The following FAM3A variants were observed in gnomAD, a reference collection of about 807,000 sequenced individuals.
The protein encoded by FAM3A is protein FAM3A.
In FAM3A, 5 loss-of-function variants were observed where a neutral mutation model predicts 18.1. The ratio of observed to expected loss-of-function variants is 0.28; its 90% CI spans 0.14 to 0.58. The LOEUF is 0.58. Among genes scored for constraint, FAM3A ranks in the 20% least tolerant of loss-of-function variants. The pLI is 0.91. For missense variants in FAM3A, 154 were observed against 216.6 expected, an observed-to-expected ratio of 0.71 and a Z score of 1.81; for synonymous variants, 108 against 90.2, an observed-to-expected ratio of 1.20 and a Z score of -1.12.
At chrX:154,513,320 G>A (rs1341851538) in intron 1 of FAM3A, among the ~76,000 whole-genome samples, 2 of 111,498 alleles carry the variant, frequency 1.8e-5, no homozygotes, top group Admixed American at 9.5e-5. Flanking sequence ...TGAGGGAGAA[G>A]GGTCCCTACT....
rs1557220844 is a variant in FAM3A, at chrX:154,508,596, C to T, written c.153G>A (p.Ala51=). The part of the protein sequence containing the change: ...FTSPESSVTA[A]PRARKYKCGL... The stretch of plus-strand genomic sequence containing the variant: ...CACACTTGTACTTCCTGGCCCGTGG[C>T]GCTGGGCAGGGATAGCAGGTGTTAT... The change falls in exon 4 of 9, where the codon GCG becomes GCA. Residue 51 remains alanine (A), a splice_region_variant and synonymous_variant. Transcript: ENST00000447601. The T allele has an allele frequency of 6.7e-6, 8 of 1,186,471 alleles. No homozygotes were observed. Among genetic ancestry groups the T allele is most frequent in the East Asian group, 3.1e-5 (1 of 32,712 alleles).
intron 1 of FAM3A, among the ~76,000 whole-genome samples, chrX:154,513,528 G>T (rs1009444369): frequency 9.0e-6 from 1 of 111,301 alleles, no homozygotes; most frequent in Non-Finnish European, 1.9e-5. Flanking sequence ...TACTCAGGAG[G>T]CTGAAGCAGG....
intron 1 of FAM3A, among the ~76,000 whole-genome samples, chrX:154,513,660 C>CCAAAA (rs1167466908): frequency 6.4e-5 from 7 of 109,349 alleles, no homozygotes; most frequent in Non-Finnish European, 1.3e-4. Context: ...CAAAACAAAA[C>CCAAAA]CAAAACAACA....
chrX:154,506,235 A>T lies in FAM3A; in HGVS notation c.*576T>A, dbSNP rs1266376403. 6 of 114,610 alleles carry T rather than the reference A, an allele frequency of 5.2e-5. No individual in the cohort carries two copies. Among genetic ancestry groups the T allele is most frequent in the African/African-American group, 2.0e-4 (6 of 30,443 alleles). The allele number at this position is 114,610 out of a possible 1,213,427, so 9.4% of individuals were successfully genotyped here. ...GGTGGGCCCCCTGACAAACCGCGGG[A>T]CTGTGATCGGGCTCCAGCTACTTCA... is the stretch of plus-strand genomic sequence containing the variant. On this transcript the variant is annotated 3_prime_UTR_variant, in exon 9 of 9. Coordinates refer to ENST00000447601, the MANE Select transcript of FAM3A (RefSeq NM_021806.4).
chrX:154,515,886 G>A lies in FAM3A; in HGVS notation c.-114C>T, dbSNP rs1462301143. 1.2e-6 allele frequency: 1 copy of A among 812,222 alleles called. No individual in the cohort carries two copies. The highest frequency in any genetic ancestry group is 1.8e-6 in the Non-Finnish European group (1 of 547,690). 66.9% of individuals were successfully genotyped at this position (812,222 alleles called of 1,213,427 possible). ...AAGCCTGTGCGGGACCCCTGCTGGG[G>A]GCGGGCGCGATCGGTGCTACGACCT... On this transcript the variant is annotated 5_prime_UTR_variant, in exon 1 of 9. Coordinates refer to ENST00000447601, the MANE Select transcript of FAM3A (RefSeq NM_021806.4).
rs181731667 is a variant in FAM3A at position 154,509,288 on chromosome X, C to T, written c.152-691G>A. On this transcript the variant is annotated intron_variant, in intron 3 of 8. Coordinates refer to ENST00000447601, the MANE Select transcript of FAM3A (RefSeq NM_021806.4). Reference sequence around the variant, plus strand: ...CAAGGTATGCCTGGGGCCACTGGAACCTGGGGAGGTCAGGAAGGACCCTCC... The same window carrying T: ...CAAGGTATGCCTGGGGCCACTGGAATCTGGGGAGGTCAGGAAGGACCCTCC... 1.8e-4 allele frequency: 21 copies of T among 117,720 alleles called. No homozygotes were observed. The Middle Eastern group carries it at 0.017, about 96-fold the overall frequency. 9.7% of individuals were successfully genotyped at this position (117,720 alleles called of 1,213,427 possible). A position where few individuals can be genotyped will look rare whatever the true frequency, so the allele number is the denominator to read the frequency against.
intron 2 of FAM3A, chrX:154,512,256 AT>A (rs1569555901): frequency 4.8e-5 from 10 of 209,100 alleles, no homozygotes; most frequent in Admixed American, 1.4e-4. Flanking sequence ...AATAATAATA[AT>A]AATAATAATA....
Position 154,506,691 on chromosome X carries a change from TTGGGGCCAGGGAGCGCTCCTGCCCGGGTG to T in FAM3A, c.*91_*119del. ...GTCACTGCCTCGGAGCCCCGATGTG[TTGGGGCCAGGGAGCGCTCCTGCCCGGGTG>T]TGGGGTGTGAGCCTCAGCCTCTGTC... On this transcript the variant is annotated 3_prime_UTR_variant, in exon 9 of 9. Transcript: ENST00000447601. 1.8e-6 allele frequency: 1 copy of T among 540,686 alleles called. No individual in the cohort carries two copies. Among genetic ancestry groups the T allele is most frequent in the Non-Finnish European group, 3.1e-6 (1 of 323,923 alleles). The allele number at this position is 540,686 out of a possible 1,213,427, so 44.6% of individuals were successfully genotyped here.
chrX:154,511,912 G>A lies in FAM3A; in HGVS notation c.128-41C>T, dbSNP rs371419000. On this transcript the variant is annotated intron_variant, in intron 2 of 8. Transcript: ENST00000447601. ...GGTTTCTGTTAGTGTGGAGCCTCCC[G>A]GGGCCTGCGGCAGGGCAGCCTGGCC... is the stretch of plus-strand genomic sequence containing the variant. 134 of 1,174,499 alleles carry A rather than the reference G, an allele frequency of 1.1e-4. No homozygotes were observed. The African/African-American group carries it at 1.5e-3, about 13-fold the overall frequency.
intron 3 of FAM3A, chrX:154,508,976 T>C (rs1557221188): frequency 1.2e-5 from 3 of 250,443 alleles, no homozygotes; most frequent in East Asian, 2.0e-4. Flanking sequence ...GTGCAGCCTG[T>C]CTCCCGATTT....
Position 154,507,899 on chromosome X carries a change from G to C in FAM3A, c.335-38C>G, listed in dbSNP as rs781860487. The C allele has an allele frequency of 6.0e-6, 7 of 1,159,270 alleles. No individual in the cohort carries two copies. The African/African-American group carries it at 1.2e-4, about 20-fold the overall frequency. On this transcript the variant is annotated intron_variant, in intron 5 of 8. Coordinates refer to ENST00000447601, the MANE Select transcript of FAM3A (RefSeq NM_021806.4). ...GGAGGGGCCCTGCTGGGTAAGCCAG[G>C]CCAGCCTCAGGGCACGGCAGGCGGG...
intron 3 of FAM3A, chrX:154,508,802 T>C (rs782359674): frequency 5.7e-6 from 3 of 526,594 alleles, no homozygotes; most frequent in East Asian, 7.5e-5. Flanking sequence ...GACAGAAGGA[T>C]TTTCTGTTAC....
At position 154,508,748 on chromosome X, in the gene FAM3A, A is replaced by G. The variant is rs1557221016; in HGVS notation, c.152-151T>C. 7.6e-6 allele frequency: 5 copies of G among 655,373 alleles called. No individual in the cohort carries two copies. The East Asian group carries it at 1.4e-4, about 19-fold the overall frequency. 54.0% of individuals were successfully genotyped at this position (655,373 alleles called of 1,213,427 possible). A position where few individuals can be genotyped will look rare whatever the true frequency, so the allele number is the denominator to read the frequency against. On this transcript the variant is annotated intron_variant, in intron 3 of 8. Coordinates refer to ENST00000447601, the MANE Select transcript of FAM3A (RefSeq NM_021806.4). ...TGTGGCTCAGGCCGAGGCTGGGGAC[A>G]CTTCCATACTCTGTGTCCTACTGGT... is the stretch of plus-strand genomic sequence containing the variant.
chrX:154,512,076 A>G (rs1429068924), intron 2 of FAM3A, among the ~76,000 whole-genome samples: 2 of 110,193 alleles, frequency 1.8e-5, no homozygotes, highest in East Asian at 5.6e-4. Flanking sequence ...ACAGGGGGAA[A>G]TGGAATTAGA....
chrX:154,511,785 C>G lies in FAM3A; in HGVS notation c.151+63G>C. ...GAATAAATGGAAAACCGAAGCCCTA[C>G]GGGACCGGGGGCAGGCAGGGATGTC... On this transcript the variant is annotated intron_variant, in intron 3 of 8. Coordinates refer to ENST00000447601, the MANE Select transcript of FAM3A (RefSeq NM_021806.4). The G allele has an allele frequency of 1.8e-6, 2 of 1,102,851 alleles. 1 individual carries two copies. Among genetic ancestry groups the G allele is most frequent in the East Asian group, 6.0e-5 (2 of 33,299 alleles). The allele number at this position is 1,102,851 out of a possible 1,213,427, so 90.9% of individuals were successfully genotyped here.
chrX:154,508,019 C>T, intron 5 of FAM3A, 158 bp from the exon 6 acceptor site: 1 of 536,686 alleles, frequency 1.9e-6, no homozygotes, highest in Non-Finnish European at 3.0e-6. Context: ...CACCCCAAGC[C>T]GTGGTGCCTC....
In FAM3A at chrX:154,506,717, G is replaced by T. The variant is rs1463012590; in HGVS notation, c.*94C>A. The T allele has an allele frequency of 1.4e-6, 1 of 695,988 alleles. No individual in the cohort carries two copies. The highest frequency in any genetic ancestry group is 2.1e-5 in the African/African-American group (1 of 47,789). 57.4% of individuals were successfully genotyped at this position (695,988 alleles called of 1,213,427 possible). A position where few individuals can be genotyped will look rare whatever the true frequency, so the allele number is the denominator to read the frequency against. On this transcript the variant is annotated 3_prime_UTR_variant, in exon 9 of 9. Transcript: ENST00000447601. Reference sequence around the variant, plus strand: ...TGGGGCCAGGGAGCGCTCCTGCCCGGGTGTGGGGTGTGAGCCTCAGCCTCT... The same window carrying T: ...TGGGGCCAGGGAGCGCTCCTGCCCGTGTGTGGGGTGTGAGCCTCAGCCTCT...
Position 154,507,842 on chromosome X carries a change from G to A in FAM3A, c.354C>T (p.Ile118=), listed in dbSNP as rs149150121. 740 of 1,193,318 alleles carry A rather than the reference G, an allele frequency of 6.2e-4. 2 individuals are homozygous for A. The highest frequency in any genetic ancestry group is 7.5e-4 in the Non-Finnish European group (665 of 886,980). The change falls in exon 6 of 9, where the codon ATC becomes ATT. Residue 118 remains isoleucine (I), a synonymous_variant. Coordinates refer to ENST00000447601, the MANE Select transcript of FAM3A (RefSeq NM_021806.4). The part of the protein sequence containing the change: ...ALVNGVSGEL[I]EARAFDMWAG... ...CCCACATGTCAAAGGCCCGGGCCTC[G>A]ATGAGCTCGCCGCTGACCCCTGTGT... is the stretch of plus-strand genomic sequence containing the variant.
intron 3 of FAM3A, chrX:154,508,897 G>C (rs782779500): frequency 1.0e-4 from 42 of 403,696 alleles, no homozygotes; most frequent in Admixed American, 3.3e-4. Flanking sequence ...AAGTCAGGCT[G>C]GGGGTCTAGC....
Sources: gnomAD v4.1 joint callset for allele counts (sites outside exome capture counted in the v4.1 genomes callset) on GRCh38, gnomAD v4.1.1 for gene constraint, MANE v1.5 for transcripts, NCBI Gene and HGNC (gene_info 2026-07-23, HGNC 2026-07-21) for gene names.